COP1: variants seen among roughly 807,000 people sequenced by gnomAD.
COP1 encodes E3 ubiquitin-protein ligase COP1.
A neutral mutation model predicts 101.3 loss-of-function variants in COP1; 24 were observed. The ratio of observed to expected loss-of-function variants is 0.24; its 90% confidence interval spans 0.17 to 0.33. COP1 has a LOEUF of 0.33. Among genes scored for constraint, COP1 ranks in the 10% least tolerant of loss-of-function variants. The probability of loss-of-function intolerance (pLI) is 1.00; values close to 1 mark genes in which losing one functional copy is unlikely to be tolerated. For synonymous variants in COP1, 347 were observed against 341.9 expected (o/e 1.01, Z -0.17); for missense variants, 663 against 906.2 (o/e 0.73, Z 3.45).
intron 16 of COP1, 178 bp downstream of exon 16, chr1:175,989,184 T>C (rs775564599): frequency 2.2e-6 from 1 of 456,336 alleles, no homozygotes; most frequent in Non-Finnish European, 4.0e-6. Context: ...AAGTGCACAA[T>C]ACAGACCAGA....
intron 11 of COP1, among the ~76,000 whole-genome samples, chr1:176,057,492 G>A (rs1038700351): frequency 2.6e-5 from 4 of 152,184 alleles, no homozygotes; most frequent in Non-Finnish European, 5.9e-5. Flanking sequence ...GCGCCGCCAC[G>A]CCTGATTGGT....
chr1:176,199,189 C>A (rs1354739963), intron 1 of COP1, among the ~76,000 whole-genome samples: 1 of 151,956 alleles, frequency 6.6e-6, no homozygotes, highest in African/African-American at 2.4e-5. Context: ...TGGTGGCGGG[C>A]GCCTGTAATC....
intron 6 of COP1, among the ~76,000 whole-genome samples, chr1:176,144,964 CTTT>C (rs1691337149): frequency 6.6e-6 from 1 of 152,124 alleles, no homozygotes; most frequent in South Asian, 2.1e-4. Flanking sequence ...GAAAAGACTT[CTTT>C]AAGTGACACA....
chr1:176,046,773 T>C (rs1671595426), intron 11 of COP1, among the ~76,000 whole-genome samples: 2 of 152,066 alleles, frequency 1.3e-5, no homozygotes, highest in African/African-American at 4.8e-5. Flanking sequence ...ATAAATAAAT[T>C]AGTATATAAT....
intron 15 of COP1, among the ~76,000 whole-genome samples, chr1:176,025,978 T>C (rs1354621688): frequency 6.6e-6 from 1 of 152,082 alleles, no homozygotes; most frequent in East Asian, 1.9e-4. Flanking sequence ...TGCCAATGGT[T>C]CTAAAATCAG....
At chr1:175,947,326 T>C (rs1330686315) in intron 18 of COP1, 87 bp from the exon 19 acceptor site, 1 of 866,992 alleles carries the variant, frequency 1.2e-6, no homozygotes, top group Non-Finnish European at 1.9e-6. Context: ...TCCTTCTTTC[T>C]TCACTTCAAT....
intron 8 of COP1, among the ~76,000 whole-genome samples, chr1:176,126,189 T>G (rs1332260308): frequency 6.6e-6 from 1 of 152,176 alleles, no homozygotes; most frequent in African/African-American, 2.4e-5. Flanking sequence ...CTTCTTCCTT[T>G]CCAATCTGGA....
chr1:176,127,986 T>C (rs1488118051), intron 8 of COP1, among the ~76,000 whole-genome samples: 4 of 152,112 alleles, frequency 2.6e-5, no homozygotes, highest in Non-Finnish European at 4.4e-5. Context: ...ATTAGAGATG[T>C]TGAGCCTCTT....
intron 8 of COP1, among the ~76,000 whole-genome samples, chr1:176,119,510 C>T (rs943524712): frequency 2.0e-5 from 3 of 152,046 alleles, no homozygotes; most frequent in Admixed American, 6.6e-5. Flanking sequence ...TTAATGATTA[C>T]ACAATATGAA....
chr1:176,170,287 C>A (rs1221674969), intron 3 of COP1, among the ~76,000 whole-genome samples: 2 of 152,160 alleles, frequency 1.3e-5, no homozygotes, highest in African/African-American at 4.8e-5. Context: ...AATGGTGAAT[C>A]CTTTCCAAAA....
At position 176,151,221 on chromosome 1, in the gene COP1, A is replaced by C. The variant is rs540398106; in HGVS notation, c.763-2147T>G. 3.3e-5 allele frequency among the ~76,000 whole-genome samples: 5 copies of C among 151,764 alleles called. No individual in the cohort carries two copies. In the Middle Eastern group the frequency reaches 0.014, roughly 413 times the overall value. On this transcript the variant is annotated intron_variant, in intron 5 of 19. Coordinates refer to ENST00000367669, the MANE Select transcript of COP1 (RefSeq NM_022457.7). The stretch of plus-strand genomic sequence containing the variant: ...TCGGATAAGGAAGCGTGTAAGAAAA[A>C]GAATAAAGAGAAATGTATTTAGAAA...
intron 9 of COP1, among the ~76,000 whole-genome samples, chr1:176,105,759 G>A (rs1345308332): frequency 1.3e-5 from 2 of 152,076 alleles, no homozygotes; most frequent in Non-Finnish European, 2.9e-5. Flanking sequence ...CACATCAGTT[G>A]GTCAGCATTG....
In COP1 at chr1:176,105,017, A is replaced by G. The variant is rs114673964; in HGVS notation, c.1026+11607T>C. On this transcript the variant is annotated intron_variant, in intron 9 of 19. Coordinates refer to ENST00000367669, the MANE Select transcript of COP1 (RefSeq NM_022457.7). ...AGAGTTACCTTCCTCATAAATTGTT[A>G]AATAAAGTACAGAAAAAAAATTACT... Among the ~76,000 whole-genome samples, 920 of 152,236 alleles carry G rather than the reference A, an allele frequency of 6.0e-3. 12 individuals carry two copies. The highest frequency in any genetic ancestry group is 0.021 in the African/African-American group (882 of 41,574).
intron 11 of COP1, among the ~76,000 whole-genome samples, chr1:176,064,219 A>G (rs970364764): frequency 6.6e-6 from 1 of 152,190 alleles, no homozygotes; most frequent in African/African-American, 2.4e-5. Flanking sequence ...AACCCAATGT[A>G]AAGTTTGAAA....
At chr1:175,978,863 C>A (rs982858217) in intron 18 of COP1, among the ~76,000 whole-genome samples, 3 of 152,068 alleles carry the variant, frequency 2.0e-5, no homozygotes, top group African/African-American at 7.2e-5. Context: ...ATAAGAAACA[C>A]CTTTATAAGT....
At chr1:176,097,817 C>T (rs1343102548) in intron 9 of COP1, among the ~76,000 whole-genome samples, 4 of 140,016 alleles carry the variant, frequency 2.9e-5, no homozygotes, top group Admixed American at 2.3e-4. Context: ...TGCAGTGAGT[C>T]GAGATCATGC....
intron 18 of COP1, among the ~76,000 whole-genome samples, chr1:175,972,663 A>G (rs1205920512): frequency 1.3e-5 from 2 of 151,372 alleles, no homozygotes; most frequent in Non-Finnish European, 2.9e-5. Context: ...ACGGGGTTTC[A>G]CCATGTTGGC....
chr1:175,991,224 G>A (rs979547429), intron 15 of COP1, among the ~76,000 whole-genome samples: 5 of 152,212 alleles, frequency 3.3e-5, no homozygotes, highest in African/African-American at 1.2e-4. Flanking sequence ...AGATGGTATA[G>A]ACTACTACAC....
chr1:175,951,952 A>G (rs1649980574), intron 18 of COP1, among the ~76,000 whole-genome samples: 2 of 152,228 alleles, frequency 1.3e-5, no homozygotes, highest in Admixed American at 6.5e-5. Context: ...AATTTCTGGC[A>G]GAAAGAAGCA....
Sources: gnomAD v4.1 joint callset for allele counts (sites outside exome capture counted in the v4.1 genomes callset) on GRCh38, gnomAD v4.1.1 for gene constraint, MANE v1.5 for transcripts, NCBI Gene and HGNC (gene_info 2026-07-23, HGNC 2026-07-21) for gene names.